ROBO1: variants seen among roughly 807,000 people sequenced by gnomAD.
ROBO1 encodes roundabout homolog 1.
ROBO1 carries 149 observed loss-of-function variants against 195.9 expected under a neutral mutation model. The observed-to-expected ratio is 0.76, with a 90% CI of 0.67 to 0.87. The LOEUF is 0.87. Ranked by LOEUF, ROBO1 falls within the 40% of genes least tolerant of loss-of-function variation. The pLI, the probability that ROBO1 is intolerant of heterozygous loss-of-function variation, is 0.00. For synonymous variants in ROBO1, 816 were observed against 733.2 expected (o/e 1.11, Z -1.82); for missense variants, 1,933 against 2,068.3 (o/e 0.93, Z 1.27).
chr3:79,574,090 G>C (rs1304550372), intron 2 of ROBO1, among the ~76,000 whole-genome samples: 1 of 151,892 alleles, frequency 6.6e-6, no homozygotes, highest in African/African-American at 2.4e-5. Flanking sequence ...AAAATTTTAG[G>C]GTGGTTATGT....
At chr3:79,137,868 G>T (rs1390561365) in intron 2 of ROBO1, among the ~76,000 whole-genome samples, 1 of 152,056 alleles carries the variant, frequency 6.6e-6, no homozygotes, top group Non-Finnish European at 1.5e-5. Context: ...CCAGGTTAGT[G>T]ATTCTTTTCT....
intron 2 of ROBO1, among the ~76,000 whole-genome samples, chr3:79,198,848 T>C (rs533205833): frequency 6.6e-6 from 1 of 152,126 alleles, no homozygotes; most frequent in South Asian, 2.1e-4. Flanking sequence ...TATTGGTGTA[T>C]AGGAATGCTT....
intron 5 of ROBO1, among the ~76,000 whole-genome samples, chr3:78,737,068 C>A (rs546591814): frequency 6.6e-6 from 1 of 152,098 alleles, no homozygotes; most frequent in Non-Finnish European, 1.5e-5. Flanking sequence ...TGTGGAATAA[C>A]CAGTTGATGA....
At chr3:78,643,180 T>TA (rs1385487414) in intron 21 of ROBO1, among the ~76,000 whole-genome samples, 1 of 152,162 alleles carries the variant, frequency 6.6e-6, no homozygotes, top group Non-Finnish European at 1.5e-5. Context: ...AGTAACATTT[T>TA]AAGGCTTCCC....
At chr3:78,987,299 T>C (rs1035536913) in intron 3 of ROBO1, among the ~76,000 whole-genome samples, 10 of 152,142 alleles carry the variant, frequency 6.6e-5, no homozygotes, top group African/African-American at 2.4e-4. Flanking sequence ...TAAGAAACTA[T>C]ACATTGCCTT....
chr3:79,138,372 C>T (rs1364066663), intron 2 of ROBO1, among the ~76,000 whole-genome samples: 1 of 151,996 alleles, frequency 6.6e-6, no homozygotes, highest in African/African-American at 2.4e-5. Flanking sequence ...AGTAACTTTT[C>T]TCAATGAATG....
chr3:79,429,434 C>T (rs2038585289), intron 2 of ROBO1, among the ~76,000 whole-genome samples: 1 of 152,114 alleles, frequency 6.6e-6, no homozygotes, highest in Non-Finnish European at 1.5e-5. Context: ...CCCTCTCTCA[C>T]ACTCAGGTTC....
At chr3:79,735,858 G>C (rs1166187720) in intron 1 of ROBO1, among the ~76,000 whole-genome samples, 1 of 133,794 alleles carries the variant, frequency 7.5e-6, no homozygotes, top group Non-Finnish European at 1.5e-5. Context: ...GCGACAGAGA[G>C]AGACTCCGTC....
At chr3:78,968,750 C>A (rs1411704006) in intron 3 of ROBO1, among the ~76,000 whole-genome samples, 1 of 152,038 alleles carries the variant, frequency 6.6e-6, no homozygotes. Flanking sequence ...TTTTTGTATT[C>A]TACAAGGTGC....
At chr3:79,582,850 G>C (rs1943702303) in intron 2 of ROBO1, among the ~76,000 whole-genome samples, 2 of 151,840 alleles carry the variant, frequency 1.3e-5, no homozygotes, top group African/African-American at 4.8e-5. Flanking sequence ...CTGCACCTTG[G>C]CATGAGCCTG....
chr3:78,863,659 C>G (rs1473428955), intron 4 of ROBO1, among the ~76,000 whole-genome samples: 1 of 152,154 alleles, frequency 6.6e-6, no homozygotes, highest in Non-Finnish European at 1.5e-5. Context: ...ATTTCATATA[C>G]TTGGTTTCAG....
chr3:79,718,669 C>G (rs1433654113), intron 1 of ROBO1, among the ~76,000 whole-genome samples: 1 of 151,682 alleles, frequency 6.6e-6, no homozygotes, highest in Non-Finnish European at 1.5e-5. Flanking sequence ...TGTGCAGCCA[C>G]AAATAGAAAA....
chr3:78,672,245 AAAC>A (rs71631614), intron 10 of ROBO1, among the ~76,000 whole-genome samples: 65,143 of 151,242 alleles, frequency 0.43, 14,776 homozygotes, highest in Middle Eastern at 0.56. Flanking sequence ...TCTTTGGTAA[AAAC>A]AACAACAACA....
chr3:79,247,044 C>CT (rs1336966988), intron 2 of ROBO1, among the ~76,000 whole-genome samples: 1 of 151,244 alleles, frequency 6.6e-6, no homozygotes, highest in Admixed American at 6.6e-5. Context: ...TCATCTTATC[C>CT]TTTTTTCCTC....
At chr3:79,521,741 C>T (rs1283299399) in intron 2 of ROBO1, among the ~76,000 whole-genome samples, 2 of 151,952 alleles carry the variant, frequency 1.3e-5, no homozygotes, top group South Asian at 4.2e-4. Flanking sequence ...CACCCCCCAC[C>T]CACACACACA....
intron 4 of ROBO1, among the ~76,000 whole-genome samples, chr3:78,906,421 C>T (rs2037925932): frequency 6.6e-6 from 1 of 152,104 alleles, no homozygotes; most frequent in Non-Finnish European, 1.5e-5. Context: ...TATGATGCAG[C>T]TTCTCTCCAT....
At chr3:79,159,643 A>G (rs1446839683) in intron 2 of ROBO1, among the ~76,000 whole-genome samples, 1 of 152,028 alleles carries the variant, frequency 6.6e-6, no homozygotes, top group African/African-American at 2.4e-5. Flanking sequence ...AAATTGGCAA[A>G]TTAATAGCCC....
rs768335666 is a variant in ROBO1 at position 78,606,816 on chromosome 3, T to G, written c.4661A>C (p.Gln1554Pro). Residue 1554 changes from glutamine (Q) to proline (P), a missense_variant, in exon 29 of 31, where the codon CAG (glutamine) becomes CCG (proline). Physicochemically the swap from Gln to Pro is moderately conservative, Grantham distance 76. Around this residue, in one of 3 missense-constraint regions of ROBO1, gnomAD observed 1,737 missense variants for 1,882.5 expected, o/e 0.92. Coordinates refer to ENST00000464233, the MANE Select transcript of ROBO1 (RefSeq NM_002941.4). ...TCCTTTCCCGTCATTTTGCTGTTCC[T>G]GTGCTTCTCTGGGATCACCTGGATT... is the stretch of plus-strand genomic sequence containing the variant. ...RTNPGDPREA[Q>P]EQQNDGKGRG... 1.9e-6 allele frequency: 3 copies of G among 1,613,988 alleles called. No homozygotes were observed. Among genetic ancestry groups the G allele is most frequent in the Non-Finnish European group, 2.5e-6 (3 of 1,179,890 alleles).
chr3:79,318,187 G>T (rs2033823539), intron 2 of ROBO1, among the ~76,000 whole-genome samples: 1 of 152,128 alleles, frequency 6.6e-6, no homozygotes, highest in Non-Finnish European at 1.5e-5. Flanking sequence ...ATTAAGTAAT[G>T]ATTTAAACAT....
Sources: allele counts gnomAD v4.1 joint callset (sites outside exome capture counted in the v4.1 genomes callset), GRCh38; gene constraint gnomAD v4.1.1; regional missense constraint gnomAD v4.1.1; transcripts MANE v1.5; gene names NCBI Gene and HGNC (gene_info 2026-07-23, HGNC 2026-07-21).